Variants in AKAP13 observed in about 807,000 individuals in gnomAD.
The protein encoded by AKAP13 is A-kinase anchoring protein 13, also known as A-kinase anchor protein 13.
Under a neutral mutation model 264.5 loss-of-function variants are expected in AKAP13, and 80 were observed. The observed-to-expected ratio is 0.30, with a 90% CI of 0.25 to 0.36. AKAP13 has a LOEUF of 0.36. Among genes scored for constraint, AKAP13 ranks in the 10% least tolerant of loss-of-function variants. The pLI is 1.00. For synonymous variants in AKAP13, 1,380 were observed against 1,250.2 expected, an observed-to-expected ratio of 1.10 and a Z score of -2.19; for missense variants, 3,712 against 3,435.2, an observed-to-expected ratio of 1.08 and a Z score of -2.01.
intron 27 of AKAP13, 99 bp from the exon 28 acceptor site, chr15:85,726,967 C>T (rs2087656183): frequency 7.4e-7 from 1 of 1,343,584 alleles, no homozygotes; most frequent in East Asian, 2.3e-5. Context: ...AAACTATGTG[C>T]TTTTTTAACA....
At chr15:85,682,053 C>A in intron 14 of AKAP13, 105 bp from the exon 15 acceptor site, 3 of 1,056,446 alleles carry the variant, frequency 2.8e-6, no homozygotes, top group Non-Finnish European at 4.3e-6. Context: ...CTGACTTTCA[C>A]ACGCTGTTTT....
intron 1 of AKAP13, chr15:85,415,716 T>A: frequency 3.9e-5 from 4 of 102,846 alleles, no homozygotes; most frequent in Non-Finnish European, 1.0e-4. Flanking sequence ...ATACCGTTTC[T>A]TTTTTTTTTT....
At chr15:85,630,495 A>T (rs1050705351) in intron 8 of AKAP13, among the ~76,000 whole-genome samples, 2 of 152,210 alleles carry the variant, frequency 1.3e-5, no homozygotes, top group African/African-American at 4.8e-5. Flanking sequence ...GACCGACCTA[A>T]CATTTTCACA....
intron 17 of AKAP13, among the ~76,000 whole-genome samples, chr15:85,698,013 G>A (rs2085663931): frequency 6.6e-6 from 1 of 152,118 alleles, no homozygotes; most frequent in Admixed American, 6.6e-5. Flanking sequence ...TATGAGTCAG[G>A]CACCCACAGT....
intron 2 of AKAP13, among the ~76,000 whole-genome samples, chr15:85,504,531 A>C (rs1189072712): frequency 8.3e-6 from 1 of 121,162 alleles, no homozygotes; most frequent in Non-Finnish European, 1.7e-5. Context: ...AAAAAAAAAA[A>C]AAAAGAAAAA....
chr15:85,585,715 G>T lies in AKAP13; in HGVS notation c.4053G>T (p.Val1351=), dbSNP rs367818733. The change falls in exon 8 of 37, where the codon GTG becomes GTT. Residue 1351 remains valine (V), a synonymous_variant. Coordinates refer to ENST00000394518, the MANE Select transcript of AKAP13 (RefSeq NM_007200.5). The stretch of plus-strand genomic sequence containing the variant: ...CTGCACTTTCAGAAATGCCAGACGT[G>T]AAAGCTGAAGATGAAGTGGATTTTA... ...GPEPAAEMPD[V]KAEDEVDFRA... 2.9e-5 allele frequency: 47 copies of T among 1,614,148 alleles called. 1 individual carries two copies. In the South Asian group the frequency reaches 4.2e-4, roughly 14 times the overall value.
chr15:85,415,218 G>A (rs956833902), intron 1 of AKAP13: 153 of 1,536,832 alleles, frequency 1.0e-4, no homozygotes, highest in African/African-American at 4.1e-5. Context: ...CAGCTCGCCC[G>A]CACCCCTCAT....
At position 85,748,787 on chromosome 15, in the gene AKAP13, CCT is replaced by C. The variant is rs1205044603; in HGVS notation, c.*4111_*4112del. ...GTGCAACCCCCCACTGGCTGTGTCCCCTGCCACCGAAGTGAGTGACCTGCCCT... is the reference window on the plus strand; with the variant it reads ...GTGCAACCCCCCACTGGCTGTGTCCCGCCACCGAAGTGAGTGACCTGCCCT... On this transcript the variant is annotated 3_prime_UTR_variant, in exon 37 of 37. Transcript: ENST00000394518. The C allele has an allele frequency of 5.9e-5, 9 of 152,290 alleles. No homozygotes were observed. The highest frequency in any genetic ancestry group is 5.9e-4 in the Admixed American group (9 of 15,290). 9.4% of individuals were successfully genotyped at this position (152,290 alleles called of 1,614,324 possible).
At chr15:85,410,311 C>T (rs2071898206) in intron 1 of AKAP13, among the ~76,000 whole-genome samples, 1 of 151,602 alleles carries the variant, frequency 6.6e-6, no homozygotes, top group Non-Finnish European at 1.5e-5. Context: ...TGTCTTGGGG[C>T]TGTCTCCCTA....
chr15:85,580,485 C>G lies in AKAP13; in HGVS notation c.2417C>G (p.Pro806Arg), dbSNP rs541378791. Residue 806 changes from proline to arginine, a missense_variant, in exon 7 of 37, where the codon CCC becomes CGC. Physicochemically the swap from Pro to Arg is moderately radical, Grantham distance 103 (BLOSUM62 -2). This residue lies in a region of AKAP13 where 2,759 missense variants were observed against 2,411.7 expected (regional missense o/e 1.14). Transcript: ENST00000394518. ...VTKDDALSFVPSQKEKGTATP... is the reference protein window; with the variant it reads ...VTKDDALSFVRSQKEKGTATP... ...AAGGATGACGCACTTTCTTTTGTCC[C>G]CTCCCAGAAAGAAAAGGGAACAGCA... 1 of 1,614,164 alleles carries G rather than the reference C, an allele frequency of 6.2e-7. No homozygotes were observed. Among genetic ancestry groups the G allele is most frequent in the East Asian group, 2.2e-5 (1 of 44,888 alleles).
chr15:85,682,055 CG>C, intron 14 of AKAP13, 102 bp from the exon 15 acceptor site: 1 of 1,074,020 alleles, frequency 9.3e-7, no homozygotes, highest in Non-Finnish European at 1.4e-6. Flanking sequence ...GACTTTCACA[CG>C]CTGTTTTTGC....
chr15:85,563,907 TC>T (rs1195452473), intron 5 of AKAP13, among the ~76,000 whole-genome samples: 4 of 152,242 alleles, frequency 2.6e-5, no homozygotes, highest in African/African-American at 9.6e-5. Context: ...AGGTTAAGTA[TC>T]TAGCTCAAGT....
chr15:85,439,970 T>TAA (rs201272928), intron 1 of AKAP13, among the ~76,000 whole-genome samples: 1 of 127,500 alleles, frequency 7.8e-6, no homozygotes, highest in African/African-American at 2.5e-5. Flanking sequence ...TAAAGTATAA[T>TAA]AAAAAATAAT....
intron 14 of AKAP13, chr15:85,677,119 T>G: frequency 2.0e-6 from 2 of 985,450 alleles, no homozygotes; most frequent in Non-Finnish European, 2.4e-6. Flanking sequence ...AACTTTGGTG[T>G]CCAGTGACTG....
At chr15:85,446,710 CTTTTT>C (rs67306030) in intron 1 of AKAP13, among the ~76,000 whole-genome samples, 2 of 124,424 alleles carry the variant, frequency 1.6e-5, no homozygotes, top group African/African-American at 3.1e-5. Context: ...TTTTCTTTTT[CTTTTT>C]TTTTTTTTTT....
intron 1 of AKAP13, among the ~76,000 whole-genome samples, chr15:85,479,652 A>G (rs1308153229): frequency 6.6e-6 from 1 of 152,144 alleles, no homozygotes; most frequent in Non-Finnish European, 1.5e-5. Flanking sequence ...TGTGGTAGGT[A>G]TGTCAGACCT....
intron 14 of AKAP13, among the ~76,000 whole-genome samples, chr15:85,675,934 A>G (rs1243887934): frequency 6.6e-6 from 1 of 151,550 alleles, no homozygotes; most frequent in Non-Finnish European, 1.5e-5. Flanking sequence ...TTTTTTGAGA[A>G]GGAGTCTCAC....
chr15:85,628,713 G>C (rs116832994), intron 8 of AKAP13, among the ~76,000 whole-genome samples: 3 of 151,974 alleles, frequency 2.0e-5, no homozygotes, highest in Non-Finnish European at 4.4e-5. Flanking sequence ...AAAAAAATTG[G>C]TATCCAGTTT....
intron 20 of AKAP13, 108 bp downstream of exon 20, chr15:85,716,031 T>C (rs575704000): frequency 7.2e-7 from 1 of 1,390,130 alleles, no homozygotes; most frequent in South Asian, 1.4e-5. Context: ...AATAAATCTA[T>C]AAGGTCATGG....
Sources: gnomAD v4.1 joint callset for allele counts (sites outside exome capture counted in the v4.1 genomes callset) on GRCh38, gnomAD v4.1.1 for gene constraint, gnomAD v4.1.1 regional missense constraint, MANE v1.5 for transcripts, NCBI Gene and HGNC (gene_info 2026-07-23, HGNC 2026-07-21) for gene names.